The following GLRB variants were observed in gnomAD, a reference collection of about 807,000 sequenced individuals.
The protein encoded by GLRB is glycine receptor subunit beta.
In GLRB, 33 loss-of-function variants were observed where a neutral mutation model predicts 54.2. That is an observed-to-expected ratio of 0.61 (90% CI 0.46 to 0.81). GLRB has a LOEUF of 0.81. Ranked by LOEUF, GLRB falls within the 40% of genes least tolerant of loss-of-function variation. The pLI is 0.00. For synonymous variants in GLRB, 209 were observed against 208.2 expected, an observed-to-expected ratio of 1.00 and a Z score of -0.03; for missense variants, 572 against 584.6, an observed-to-expected ratio of 0.98 and a Z score of 0.22.
chr4:157,169,421 G>C (rs759595187), intron 9 of GLRB, among the ~76,000 whole-genome samples: 1 of 152,074 alleles, frequency 6.6e-6, no homozygotes, highest in East Asian at 1.9e-4. Context: ...GATTACTAGA[G>C]AGAGTTCAGC....
At chr4:157,079,700 A>G (rs941365535) in intron 2 of GLRB, among the ~76,000 whole-genome samples, 1 of 152,188 alleles carries the variant, frequency 6.6e-6, no homozygotes, top group Non-Finnish European at 1.5e-5. Flanking sequence ...ACAATCTACA[A>G]CCATCTCAAC....
intron 9 of GLRB, among the ~76,000 whole-genome samples, chr4:157,158,515 G>T (rs1480156844): frequency 6.6e-6 from 1 of 152,146 alleles, no homozygotes; most frequent in Non-Finnish European, 1.5e-5. Context: ...TGTATAAGGT[G>T]TAAGGAAGGG....
rs182224114 is a variant in GLRB at position 157,170,246 on chromosome 4, T to A, written c.1198-186T>A. Reference sequence around the variant, plus strand: ...GACATAAGCCTTATTATGTAGGCAATATTTTAGAGCCCTAAATGCTCAGGC... The same window carrying A: ...GACATAAGCCTTATTATGTAGGCAAAATTTTAGAGCCCTAAATGCTCAGGC... On this transcript the variant is annotated intron_variant, in intron 9 of 9. Transcript: ENST00000264428. 2.6e-5 allele frequency among the ~76,000 whole-genome samples: 4 copies of A among 152,208 alleles called. No homozygotes were observed. The East Asian group carries it at 7.7e-4, about 29-fold the overall frequency.
intron 9 of GLRB, among the ~76,000 whole-genome samples, chr4:157,161,397 C>A (rs1324127064): frequency 6.6e-6 from 1 of 152,160 alleles, no homozygotes; most frequent in Non-Finnish European, 1.5e-5. Context: ...TTGTTTTGCT[C>A]ATTAGCTGAT....
Position 157,136,838 on chromosome 4 carries a change from A to G in GLRB, c.562A>G (p.Thr188Ala). ...SITLSCPLDL[T>A]LFPMDTQRCK... ...TACTCTTTCATGCCCTTTGGACTTG[A>G]CATTGTTTCCCATGGATACACAACG... The change falls in exon 6 of 10, where the codon ACA becomes GCA. Residue 188 changes from threonine to alanine, a missense_variant. Physicochemically the swap from Thr to Ala is moderately conservative, Grantham distance 58. Coordinates refer to ENST00000264428, the MANE Select transcript of GLRB (RefSeq NM_000824.5). 3.1e-6 allele frequency: 5 copies of G among 1,611,364 alleles called. No homozygotes were observed. The highest frequency in any genetic ancestry group is 4.2e-6 in the Non-Finnish European group (5 of 1,177,534).
At chr4:157,166,671 T>A (rs1737721208) in intron 9 of GLRB, among the ~76,000 whole-genome samples, 1 of 152,108 alleles carries the variant, frequency 6.6e-6, no homozygotes, top group South Asian at 2.1e-4. Flanking sequence ...ACAAGAATCT[T>A]CAAATATATC....
chr4:157,149,895 T>C (rs1193848002), intron 8 of GLRB, among the ~76,000 whole-genome samples: 1 of 152,110 alleles, frequency 6.6e-6, no homozygotes, highest in African/African-American at 2.4e-5. Flanking sequence ...CTTTTTCTAG[T>C]TTTCAATTTT....
chr4:157,146,237 G>A (rs1279142214), intron 8 of GLRB, among the ~76,000 whole-genome samples: 3 of 151,866 alleles, frequency 2.0e-5, no homozygotes, highest in African/African-American at 4.8e-5. Context: ...GGCTGATATC[G>A]AACTGCTGAC....
At chr4:157,088,292 G>A (rs1734485357) in intron 2 of GLRB, among the ~76,000 whole-genome samples, 10 of 152,110 alleles carry the variant, frequency 6.6e-5, no homozygotes, top group Admixed American at 6.5e-4. Flanking sequence ...GGGCATGGCT[G>A]ACAAAATAAT....
chr4:157,166,522 A>C (rs765121155), intron 9 of GLRB, among the ~76,000 whole-genome samples: 6 of 152,042 alleles, frequency 3.9e-5, no homozygotes, highest in Non-Finnish European at 8.8e-5. Flanking sequence ...ATGAACCATG[A>C]CCTATTTAAG....
intron 4 of GLRB, among the ~76,000 whole-genome samples, chr4:157,124,496 CATT>C (rs1735947387): frequency 6.6e-6 from 1 of 151,742 alleles, no homozygotes; most frequent in Non-Finnish European, 1.5e-5. Flanking sequence ...ATACAGAAGA[CATT>C]AGGCACTCAA....
At chr4:157,113,192 A>G (rs1352592703) in intron 2 of GLRB, among the ~76,000 whole-genome samples, 1 of 151,798 alleles carries the variant, frequency 6.6e-6, no homozygotes, top group Non-Finnish European at 1.5e-5. Flanking sequence ...AAATATTTTA[A>G]GTTTTTGCTG....
chr4:157,122,538 T>A, intron 4 of GLRB, 141 bp downstream of exon 4: 1 of 419,392 alleles, frequency 2.4e-6, no homozygotes, highest in Non-Finnish European at 4.4e-6. Flanking sequence ...TTCTAGATTT[T>A]GTTAAATCAG....
chr4:157,134,866 G>A (rs143012172), intron 4 of GLRB, among the ~76,000 whole-genome samples: 151 of 150,900 alleles, frequency 1.0e-3, no homozygotes, highest in Non-Finnish European at 1.9e-3. Context: ...TAATGCAATT[G>A]GTAGTAGAGT....
chr4:157,145,538 A>G (rs1215331198), intron 8 of GLRB, among the ~76,000 whole-genome samples: 3 of 152,152 alleles, frequency 2.0e-5, no homozygotes, highest in Admixed American at 6.6e-5. Flanking sequence ...TTCAACAAGT[A>G]TTTGTTTTGT....
intron 4 of GLRB, among the ~76,000 whole-genome samples, chr4:157,129,755 T>C (rs970041502): frequency 3.4e-4 from 47 of 139,462 alleles, no homozygotes; most frequent in Admixed American, 9.8e-4. Context: ...CCATTTGAGC[T>C]TTTTTTTTGT....
intron 3 of GLRB, 78 bp downstream of exon 3, chr4:157,120,740 A>G (rs544131483): frequency 1.4e-6 from 1 of 714,934 alleles, no homozygotes; most frequent in Admixed American, 2.0e-5. Flanking sequence ...GTGATATTTT[A>G]TATGTATATG....
intron 2 of GLRB, among the ~76,000 whole-genome samples, chr4:157,103,670 C>A (rs1463561533): frequency 6.6e-6 from 1 of 151,924 alleles, no homozygotes; most frequent in Non-Finnish European, 1.5e-5. Flanking sequence ...GCCTTCCAAC[C>A]CATGAACATG....
chr4:157,095,501 A>T (rs1201847791), intron 2 of GLRB, among the ~76,000 whole-genome samples: 2 of 152,072 alleles, frequency 1.3e-5, no homozygotes, highest in Non-Finnish European at 2.9e-5. Context: ...TCTAGGCTGG[A>T]GGTATACATT....
Sources: allele counts gnomAD v4.1 joint callset (sites outside exome capture counted in the v4.1 genomes callset), GRCh38; gene constraint gnomAD v4.1.1; transcripts MANE v1.5; gene names NCBI Gene and HGNC (gene_info 2026-07-23, HGNC 2026-07-21).